SEMA3F: variants seen among roughly 807,000 people sequenced by gnomAD.
The protein encoded by SEMA3F is semaphorin 3F.
A neutral mutation model predicts 98.5 loss-of-function variants in SEMA3F; 30 were observed. The observed-to-expected ratio is 0.30, with a 90% CI of 0.23 to 0.41. SEMA3F has a LOEUF of 0.41. Among genes scored for constraint, SEMA3F ranks in the 10% least tolerant of loss-of-function variants. The probability of loss-of-function intolerance (pLI) is 1.00; values close to 1 mark genes in which losing one functional copy is unlikely to be tolerated. For missense variants in SEMA3F, 866 were observed against 1,119.3 expected, an observed-to-expected ratio of 0.77 and a Z score of 3.23; for synonymous variants, 380 against 444.8, an observed-to-expected ratio of 0.85 and a Z score of 1.83.
chr3:50,169,432 G>A (rs1698519917), intron 2 of SEMA3F, among the ~76,000 whole-genome samples: 1 of 152,180 alleles, frequency 6.6e-6, no homozygotes, highest in African/African-American at 2.4e-5. Flanking sequence ...AATGGCTGCG[G>A]AAATGAGGTG....
At chr3:50,174,152 C>G in intron 4 of SEMA3F, 38 bp downstream of exon 4, 1 of 1,613,980 alleles carries the variant, frequency 6.2e-7, no homozygotes, top group East Asian at 2.2e-5. Flanking sequence ...AAGGGGGAAT[C>G]CACAGGTGGG....
In SEMA3F at chr3:50,166,234, C is replaced by T. The variant is rs370603292; in HGVS notation, c.112+6500C>T. Among the ~76,000 whole-genome samples the T allele has an allele frequency of 9.2e-5, 14 of 152,180 alleles. No individual in the cohort carries two copies. In the East Asian group the frequency reaches 2.7e-3, roughly 29 times the overall value. On this transcript the variant is annotated intron_variant, in intron 2 of 18. Coordinates refer to ENST00000002829, the MANE Select transcript of SEMA3F (RefSeq NM_004186.5). The surrounding 1 kb of genome is among the most constrained non-coding windows in gnomAD (Gnocchi z 4.7). ...GCCTTGTTCCTTCCCACTTGGGGCT[C>T]GGTGCTGATGCCCTCATTTCCCCCG... is the stretch of plus-strand genomic sequence containing the variant.
intron 2 of SEMA3F, among the ~76,000 whole-genome samples, chr3:50,172,506 C>T (rs1413274772): frequency 6.6e-6 from 1 of 152,112 alleles, no homozygotes; most frequent in Non-Finnish European, 1.5e-5. Context: ...TTTTCCCCAG[C>T]ATCCTGGAGT....
rs892128775 is a variant in SEMA3F, at chr3:50,184,153, G to T, written c.1234-439G>T. Reference sequence around the variant, plus strand: ...GGGCCAGAGGTAAGCTGGCCATGACGGGGGGCAGGCTGAGCCCAGGTTCAG... The same window carrying T: ...GGGCCAGAGGTAAGCTGGCCATGACTGGGGGCAGGCTGAGCCCAGGTTCAG... On this transcript the variant is annotated intron_variant, in intron 12 of 18. Coordinates refer to ENST00000002829, the MANE Select transcript of SEMA3F (RefSeq NM_004186.5). The T allele has an allele frequency of 1.7e-5, 4 of 235,976 alleles. No individual in the cohort carries two copies. The Admixed American group carries it at 2.1e-4, about 12-fold the overall frequency. 14.6% of individuals were successfully genotyped at this position (235,976 alleles called of 1,614,324 possible).
intron 2 of SEMA3F, among the ~76,000 whole-genome samples, chr3:50,169,138 C>G (rs1698512002): frequency 6.6e-6 from 1 of 152,232 alleles, no homozygotes; most frequent in Admixed American, 6.5e-5. Flanking sequence ...CCACACCTCA[C>G]TGCACGCAGA....
Position 50,183,168 on chromosome 3 carries a change from T to A in SEMA3F, c.1019-18T>A. ...CCCGCCCATGGCACCCTCCAACACCTTCTCCCTCTGTCCCCAGAGGACGTG... is the reference window on the plus strand; with the variant it reads ...CCCGCCCATGGCACCCTCCAACACCATCTCCCTCTGTCCCCAGAGGACGTG... On this transcript the variant is annotated intron_variant, in intron 10 of 18. Coordinates refer to ENST00000002829, the MANE Select transcript of SEMA3F (RefSeq NM_004186.5). The A allele has an allele frequency of 6.2e-7, 1 of 1,613,404 alleles. No homozygotes were observed. Among genetic ancestry groups the A allele is most frequent in the Non-Finnish European group, 8.5e-7 (1 of 1,179,500 alleles).
chr3:50,169,988 A>C (rs147919666), intron 2 of SEMA3F, among the ~76,000 whole-genome samples: 1,594 of 152,120 alleles, frequency 0.01, 23 homozygotes, highest in Middle Eastern at 0.027. Flanking sequence ...CCTTTGCCTC[A>C]TGGTGGAGTG....
At position 50,186,763 on chromosome 3, in the gene SEMA3F, G is replaced by A. The variant is rs772939552; in HGVS notation, c.1947+17G>A. The stretch of plus-strand genomic sequence containing the variant: ...CGCCGAGAGGTGAGTTCCTGCGCCC[G>A]GTGCTGCACCGTGGATGTGAGTCCT... On this transcript the variant is annotated intron_variant, in intron 18 of 18. Coordinates refer to ENST00000002829, the MANE Select transcript of SEMA3F (RefSeq NM_004186.5). 2.5e-6 allele frequency: 4 copies of A among 1,578,530 alleles called. No homozygotes were observed. The highest frequency in any genetic ancestry group is 2.3e-5 in the East Asian group (1 of 43,906).
At chr3:50,183,679 T>A in intron 12 of SEMA3F, 115 bp downstream of exon 12, 1 of 1,104,644 alleles carries the variant, frequency 9.1e-7, no homozygotes, top group Non-Finnish European at 1.3e-6. Context: ...GCGGAGGCGG[T>A]GAGCTGTAAT....
chr3:50,182,556 T>G lies in SEMA3F; in HGVS notation c.764-88T>G. 6.3e-7 allele frequency: 1 copy of G among 1,581,706 alleles called. No individual in the cohort carries two copies. The highest frequency in any genetic ancestry group is 8.6e-7 in the Non-Finnish European group (1 of 1,159,266). On this transcript the variant is annotated intron_variant, in intron 8 of 18. Coordinates refer to ENST00000002829, the MANE Select transcript of SEMA3F (RefSeq NM_004186.5). This position sits in a 1 kb window ranked among gnomAD's most constrained non-coding sequence, Gnocchi z 4.5. ...CTTATCTGGAGAGGAGTTGGGGGTG[T>G]TCTTGCACCTGGCTGGGGATTCTGT...
chr3:50,184,619 A>G lies in SEMA3F; in HGVS notation c.1261A>G (p.Met421Val), dbSNP rs926121508. The change falls in exon 13 of 19, where the codon ATG becomes GTG. Residue 421 changes from methionine (M) to valine (V), a missense_variant. Transcript: ENST00000002829. Reference sequence around the variant, plus strand: ...CCCTGGTGGAACCTTCACGCCATCTATGAAGTCCACCAAGGATTATCCTGA... The same window carrying G: ...CCCTGGTGGAACCTTCACGCCATCTGTGAAGTCCACCAAGGATTATCCTGA... ...TCPGGTFTPS[M>V]KSTKDYPDEV... is the part of the protein sequence containing the mutation. The G allele has an allele frequency of 6.2e-7, 1 of 1,613,946 alleles. No individual in the cohort carries two copies. Among genetic ancestry groups the G allele is most frequent in the Non-Finnish European group, 8.5e-7 (1 of 1,179,942 alleles).
chr3:50,163,198 G>C (rs779092230), intron 2 of SEMA3F, among the ~76,000 whole-genome samples: 1 of 152,214 alleles, frequency 6.6e-6, no homozygotes, highest in Non-Finnish European at 1.5e-5. Context: ...AGGCTTCCTA[G>C]CCTCGTTTCC....
chr3:50,155,062 G>A (rs775544789), upstream of SEMA3F: 14 of 361,634 alleles, frequency 3.9e-5, no homozygotes, highest in East Asian at 2.6e-4. The surrounding 1 kb of genome is among the most constrained non-coding windows in gnomAD (Gnocchi z 4.9). Context: ...GGCTCTGAGC[G>A]CCCCGTCCCG....
intron 2 of SEMA3F, among the ~76,000 whole-genome samples, chr3:50,171,977 G>C (rs974023759): frequency 1.3e-5 from 2 of 152,214 alleles, no homozygotes; most frequent in African/African-American, 4.8e-5. Flanking sequence ...TCAGAGTGAG[G>C]TCCTGGGACC....
At chr3:50,179,564 G>A (rs139008402) in intron 7 of SEMA3F, among the ~76,000 whole-genome samples, 26 of 152,258 alleles carry the variant, frequency 1.7e-4, no homozygotes, top group African/African-American at 5.5e-4. Flanking sequence ...GACCTAAAGT[G>A]TTCCTCCCAC....
chr3:50,186,520 T>C (rs1699220089), intron 17 of SEMA3F, 93 bp from the exon 18 acceptor site: 6 of 1,495,682 alleles, frequency 4.0e-6, no homozygotes, highest in Non-Finnish European at 5.5e-6. Flanking sequence ...AGCACTACAT[T>C]GGTGAGTGGG....
intron 17 of SEMA3F, 66 bp downstream of exon 17, chr3:50,186,414 C>CT (rs1699217088): frequency 6.5e-7 from 1 of 1,535,326 alleles, no homozygotes; most frequent in African/African-American, 1.4e-5. Flanking sequence ...GCCCACGAAG[C>CT]TGCTCACAGG....
In SEMA3F at chr3:50,182,490, G is replaced by A; in HGVS notation, c.763+87G>A. 1.3e-6 allele frequency: 2 copies of A among 1,594,594 alleles called. No individual in the cohort carries two copies. Among genetic ancestry groups the A allele is most frequent in the Non-Finnish European group, 1.7e-6 (2 of 1,169,254 alleles). On this transcript the variant is annotated intron_variant, in intron 8 of 18. Coordinates refer to ENST00000002829, the MANE Select transcript of SEMA3F (RefSeq NM_004186.5). The surrounding 1 kb of genome is among the most constrained non-coding windows in gnomAD (Gnocchi z 4.5). The stretch of plus-strand genomic sequence containing the variant: ...AAAGAAGCACATGTGGGGGAAGTGG[G>A]GACATGTTTAGCCTATGACTACCTG...
Position 50,185,448 on chromosome 3 carries a change from G to T in SEMA3F, c.1462G>T (p.Gly488Trp). The T allele has an allele frequency of 6.2e-7, 1 of 1,612,816 alleles. No homozygotes were observed. Among genetic ancestry groups the T allele is most frequent in the Non-Finnish European group, 8.5e-7 (1 of 1,179,462 alleles). The change falls in exon 14 of 19, where the codon GGG (glycine) becomes TGG (tryptophan). Residue 488 changes from glycine (G) to tryptophan (W), a missense_variant. Physicochemically the swap from Gly to Trp is radical, Grantham distance 184. This residue lies in a region of SEMA3F where 374 missense variants were observed against 582.8 expected (regional missense o/e 0.64). Coordinates refer to ENST00000002829, the MANE Select transcript of SEMA3F (RefSeq NM_004186.5). ...YEVLFLGTDRGTVQKVIVLPK... is the reference protein window; with the variant it reads ...YEVLFLGTDRWTVQKVIVLPK... ...CCCTGCCCGGCCCGTTCCAGACCGC[G>T]GGACAGTGCAGAAGGTCATTGTGCT... is the stretch of plus-strand genomic sequence containing the variant.
Sources: gnomAD v4.1 joint callset for allele counts (sites outside exome capture counted in the v4.1 genomes callset) on GRCh38, gnomAD v4.1.1 for gene constraint, gnomAD v4.1.1 regional missense constraint, Gnocchi (gnomAD v3.1) non-coding constraint, MANE v1.5 for transcripts, NCBI Gene and HGNC (gene_info 2026-07-23, HGNC 2026-07-21) for gene names.